The following KALRN variants were observed in gnomAD, a reference collection of about 807,000 sequenced individuals.
The protein encoded by KALRN is kalirin RhoGEF kinase.
Under a neutral mutation model 353.7 loss-of-function variants are expected in KALRN, and 70 were observed. The observed-to-expected ratio is 0.20, with a 90% CI of 0.16 to 0.24. The LOEUF (loss-of-function observed/expected upper bound fraction) is 0.24, where lower values mean the gene tolerates loss of function less well. Ranked by LOEUF, KALRN falls within the 10% of genes least tolerant of loss-of-function variation. The pLI is 1.00. For missense variants in KALRN, 2,791 were observed against 3,756.7 expected (o/e 0.74, Z 6.72); for synonymous variants, 1,391 against 1,434.8 (o/e 0.97, Z 0.69).
intron 10 of KALRN, among the ~76,000 whole-genome samples, chr3:124,365,873 A>G (rs2084621818): frequency 6.6e-6 from 1 of 152,230 alleles, no homozygotes. Flanking sequence ...CACTTCAGAC[A>G]TAGGCTCTAG....
chr3:124,406,620 AATGCC>A (rs1194673707), intron 13 of KALRN, among the ~76,000 whole-genome samples: 2 of 152,164 alleles, frequency 1.3e-5, no homozygotes, highest in Non-Finnish European at 2.9e-5. Flanking sequence ...ATCACAGTGA[AATGCC>A]ATGGACCCTT....
chr3:124,228,411 C>T (rs182687205), intron 2 of KALRN, among the ~76,000 whole-genome samples: 7 of 152,286 alleles, frequency 4.6e-5, no homozygotes, highest in South Asian at 2.1e-4. Context: ...GGATCAGGGA[C>T]GGGAGATTTT....
At chr3:124,499,610 G>A (rs1010535015) in intron 33 of KALRN, among the ~76,000 whole-genome samples, 2 of 152,184 alleles carry the variant, frequency 1.3e-5, no homozygotes, top group Non-Finnish European at 2.9e-5. Flanking sequence ...GACCTAAAGT[G>A]ATGTAGCTTC....
intron 34 of KALRN, among the ~76,000 whole-genome samples, chr3:124,627,537 G>A (rs1401106354): frequency 1.3e-5 from 2 of 152,186 alleles, no homozygotes; most frequent in African/African-American, 2.4e-5. Context: ...GCCTGGTAAC[G>A]CAAGGCACAG....
At chr3:124,416,426 C>T (rs2092500967) in intron 14 of KALRN, among the ~76,000 whole-genome samples, 1 of 152,212 alleles carries the variant, frequency 6.6e-6, no homozygotes, top group African/African-American at 2.4e-5. Context: ...CCCACAATAT[C>T]CTGTTCTAGA....
intron 27 of KALRN, 22 bp downstream of exon 27, chr3:124,477,356 T>G (rs1434297861): frequency 2.6e-6 from 4 of 1,550,708 alleles, no homozygotes; most frequent in Non-Finnish European, 3.6e-6. Flanking sequence ...TTTCCATTCT[T>G]GAGCAGCTGA....
At chr3:124,686,581 G>A (rs2061567261) in intron 51 of KALRN, among the ~76,000 whole-genome samples, 1 of 152,094 alleles carries the variant, frequency 6.6e-6, no homozygotes, top group Non-Finnish European at 1.5e-5. Context: ...CAGGTATATG[G>A]TCTGAGTACC....
At chr3:124,123,792 C>T (rs769870299) in intron 1 of KALRN, among the ~76,000 whole-genome samples, 5 of 152,136 alleles carry the variant, frequency 3.3e-5, no homozygotes, top group Non-Finnish European at 5.9e-5. Flanking sequence ...CCCCAAATCC[C>T]GAATCCAAGA....
At chr3:124,481,055 T>C (rs773980164) in intron 27 of KALRN, among the ~76,000 whole-genome samples, 1 of 152,228 alleles carries the variant, frequency 6.6e-6, no homozygotes, top group South Asian at 2.1e-4. Flanking sequence ...TAACTTCATA[T>C]CTATACACCT....
At chr3:124,143,564 A>G (rs1044790275) in intron 1 of KALRN, among the ~76,000 whole-genome samples, 2 of 152,202 alleles carry the variant, frequency 1.3e-5, no homozygotes, top group Non-Finnish European at 2.9e-5. Flanking sequence ...TAAGAATTGC[A>G]TGAAGAAAAC....
intron 5 of KALRN, among the ~76,000 whole-genome samples, chr3:124,269,468 T>C (rs775594986): frequency 8.5e-5 from 13 of 152,246 alleles, no homozygotes; most frequent in Non-Finnish European, 1.8e-4. Flanking sequence ...AATTTACTCA[T>C]TTTAATCCTT....
At chr3:124,417,741 C>CTCTCTAAGCCTTGCCT (rs1261180090) in intron 14 of KALRN, among the ~76,000 whole-genome samples, 2 of 152,214 alleles carry the variant, frequency 1.3e-5, no homozygotes, top group Non-Finnish European at 2.9e-5. Flanking sequence ...GTTCGCCTGT[C>CTCTCTAAGCCTTGCCT]TCTCTAAGCC....
intron 10 of KALRN, among the ~76,000 whole-genome samples, chr3:124,372,591 A>G (rs930128859): frequency 6.8e-6 from 1 of 146,186 alleles, no homozygotes; most frequent in Non-Finnish European, 1.5e-5. Context: ...ATTTAACATT[A>G]CATTAAGAAC....
intron 33 of KALRN, among the ~76,000 whole-genome samples, chr3:124,521,410 G>C (rs1030885680): frequency 1.3e-5 from 2 of 152,182 alleles, no homozygotes; most frequent in African/African-American, 4.8e-5. Flanking sequence ...CTGAGACCCA[G>C]AAATGCTAGT....
intron 25 of KALRN, among the ~76,000 whole-genome samples, chr3:124,466,400 A>G (rs1240839963): frequency 1.3e-5 from 2 of 152,208 alleles, no homozygotes; most frequent in Non-Finnish European, 2.9e-5. Flanking sequence ...CCATTAGTAG[A>G]TCCCTAGACA....
At position 124,720,091 on chromosome 3, in the gene KALRN, G is replaced by C. The variant is rs1475946542; in HGVS notation, c.*621G>C. ...TTGTTTTGACTAAGCACAATTAGAT[G>C]ACAAGTTTTTTTAGAGCATTTTATA... On this transcript the variant is annotated 3_prime_UTR_variant, in exon 60 of 60. Coordinates refer to ENST00000682506, the MANE Select transcript of KALRN (RefSeq NM_001388419.1). 6.6e-6 allele frequency: 1 copy of C among 152,596 alleles called. No homozygotes were observed. Among genetic ancestry groups the C allele is most frequent in the Non-Finnish European group, 1.5e-5 (1 of 68,034 alleles). The allele number at this position is 152,596 out of a possible 1,614,324, so 9.5% of individuals were successfully genotyped here.
chr3:124,234,029 G>A (rs2079476813), intron 2 of KALRN, among the ~76,000 whole-genome samples: 2 of 152,196 alleles, frequency 1.3e-5, no homozygotes, highest in African/African-American at 4.8e-5. Flanking sequence ...TTGGAAAGTA[G>A]AGGAAAGAAA....
At chr3:124,521,400 C>T (rs2067149939) in intron 33 of KALRN, among the ~76,000 whole-genome samples, 1 of 152,158 alleles carries the variant, frequency 6.6e-6, no homozygotes, top group Non-Finnish European at 1.5e-5. Flanking sequence ...ACTGATGAAA[C>T]TGAGACCCAG....
At chr3:124,700,961 GTC>G (rs1017705621) in intron 56 of KALRN, among the ~76,000 whole-genome samples, 5 of 152,208 alleles carry the variant, frequency 3.3e-5, no homozygotes, top group African/African-American at 1.2e-4. Context: ...TACGCCCTGG[GTC>G]TCTGTTTCCT....
Sources: gnomAD v4.1 joint callset for allele counts (sites outside exome capture counted in the v4.1 genomes callset) on GRCh38, gnomAD v4.1.1 for gene constraint, MANE v1.5 for transcripts, NCBI Gene and HGNC (gene_info 2026-07-23, HGNC 2026-07-21) for gene names.